The following CAST variants were observed in gnomAD, a reference collection of about 807,000 sequenced individuals.
CAST encodes the protein MIR583 host.
In CAST, 76 loss-of-function variants were observed where a neutral mutation model predicts 119.6. That is an observed-to-expected ratio of 0.64 (90% CI 0.53 to 0.77). The LOEUF (loss-of-function observed/expected upper bound fraction) is 0.77, where lower values mean the gene tolerates loss of function less well. Ranked by LOEUF, CAST falls within the 30% of genes least tolerant of loss-of-function variation. The pLI, the probability that CAST is intolerant of heterozygous loss-of-function variation, is 0.00. For missense variants in CAST, 953 were observed against 946.5 expected (o/e 1.01, Z -0.09); for synonymous variants, 319 against 331.6 (o/e 0.96, Z 0.41).
At chr5:95,992,938 G>A in the CAST span, among the ~76,000 whole-genome samples, 1 of 152,062 alleles carries the variant, frequency 6.6e-6, no homozygotes, top group African/African-American at 2.4e-5. Context: ...AAAAAATGAG[G>A]TATTTAGACT....
chr5:96,760,755 C>G (rs1324230865), intron 24 of CAST: 1 of 151,606 alleles, frequency 6.6e-6, no homozygotes, highest in Non-Finnish European at 1.5e-5. Flanking sequence ...AAATTGAAGG[C>G]CATACATTAA....
chr5:96,357,341 T>A, the CAST span, among the ~76,000 whole-genome samples: 1 of 152,222 alleles, frequency 6.6e-6, no homozygotes, highest in Non-Finnish European at 1.5e-5. Flanking sequence ...CTTGCCCGAT[T>A]GCCCTGGTCA....
the CAST span, among the ~76,000 whole-genome samples, chr5:96,096,573 CCT>C: frequency 1.3e-5 from 2 of 152,204 alleles, no homozygotes; most frequent in African/African-American, 4.8e-5. Flanking sequence ...ACTACCCAAA[CCT>C]CTCTGTGTGA....
chr5:96,279,741 C>T, the CAST span, among the ~76,000 whole-genome samples: 357 of 152,288 alleles, frequency 2.3e-3, 6 homozygotes, highest in African/African-American at 8.1e-3. Flanking sequence ...AAATATGCTT[C>T]TTGAGAAGTT....
At chr5:96,145,349 C>T in the CAST span, among the ~76,000 whole-genome samples, 5 of 152,002 alleles carry the variant, frequency 3.3e-5, no homozygotes, top group African/African-American at 7.3e-5. Flanking sequence ...CTGACTCCTC[C>T]CTTAACTAAA....
At chr5:96,442,189 G>T in the CAST span, among the ~76,000 whole-genome samples, 351 of 152,270 alleles carry the variant, frequency 2.3e-3, 3 homozygotes, top group Non-Finnish European at 4.2e-3. Context: ...TTTTAAGCAG[G>T]TAAGTATTTG....
the CAST span, among the ~76,000 whole-genome samples, chr5:96,157,831 C>T: frequency 5.3e-5 from 8 of 152,308 alleles, no homozygotes. Context: ...ATCCTGTAAA[C>T]ATACCATAAG....
chr5:96,493,138 T>C, the CAST span, among the ~76,000 whole-genome samples: 1 of 152,222 alleles, frequency 6.6e-6, no homozygotes, highest in Non-Finnish European at 1.5e-5. Flanking sequence ...CACTGATTTA[T>C]TTTTTTAAAC....
chr5:96,376,307 C>T, the CAST span, among the ~76,000 whole-genome samples: 1 of 151,990 alleles, frequency 6.6e-6, no homozygotes, highest in Admixed American at 6.6e-5. Flanking sequence ...AAGAAAACTA[C>T]TGTGCGTCCA....
At chr5:96,263,307 A>G in the CAST span, among the ~76,000 whole-genome samples, 1 of 151,728 alleles carries the variant, frequency 6.6e-6, no homozygotes, top group Admixed American at 6.6e-5. Context: ...TGGGTGGAGA[A>G]GGGTGGGGGT....
At chr5:96,070,467 AAC>A in the CAST span, among the ~76,000 whole-genome samples, 1 of 152,180 alleles carries the variant, frequency 6.6e-6, no homozygotes, top group Non-Finnish European at 1.5e-5. Context: ...AAATTCTTCA[AAC>A]ACAGAATGCA....
the CAST span, among the ~76,000 whole-genome samples, chr5:96,205,176 G>C: frequency 6.6e-6 from 1 of 152,018 alleles, no homozygotes; most frequent in African/African-American, 2.4e-5. Flanking sequence ...TGGTTTGCAA[G>C]TATTTTCTCC....
chr5:96,010,599 A>G, the CAST span, among the ~76,000 whole-genome samples: 2 of 152,218 alleles, frequency 1.3e-5, no homozygotes, highest in Admixed American at 6.5e-5. Context: ...GGCATGAGCC[A>G]CCACACCAAG....
chr5:96,513,007 A>T, the CAST span, among the ~76,000 whole-genome samples: 1 of 152,220 alleles, frequency 6.6e-6, no homozygotes, highest in Admixed American at 6.5e-5. Flanking sequence ...ATGAGCAGGG[A>T]GGCAGCCTGA....
chr5:96,093,640 G>A, the CAST span, among the ~76,000 whole-genome samples: 1 of 152,342 alleles, frequency 6.6e-6, no homozygotes, highest in South Asian at 2.1e-4. Flanking sequence ...CTTAACAGAG[G>A]CCTGTTTGAT....
the CAST span, among the ~76,000 whole-genome samples, chr5:96,329,692 T>G: frequency 6.6e-6 from 1 of 152,238 alleles, no homozygotes; most frequent in Non-Finnish European, 1.5e-5. Flanking sequence ...TAATCGTTAC[T>G]GTCAAGATTT....
chr5:96,179,311 T>A, the CAST span, among the ~76,000 whole-genome samples: 3,237 of 152,304 alleles, frequency 0.021, 113 homozygotes, highest in African/African-American at 0.074. Flanking sequence ...TACCCTTGCT[T>A]CATCACAGGT....
chr5:96,006,408 GTT>G, the CAST span, among the ~76,000 whole-genome samples: 1 of 151,872 alleles, frequency 6.6e-6, no homozygotes, highest in Non-Finnish European at 1.5e-5. Flanking sequence ...TGTTTTAAGA[GTT>G]TACAAATTTG....
Position 96,587,449 on chromosome 5 carries a change from G to C in CAST, c.60+57569G>C, listed in dbSNP as rs73774314. 5.0e-3 allele frequency among the ~76,000 whole-genome samples: 769 copies of C among 152,340 alleles called. 7 individuals carry two copies. The highest frequency in any genetic ancestry group is 0.018 in the African/African-American group (743 of 41,566). ...GCTGGTAAATATACAGAGAGGACTG[G>C]TATGGTGTTTTGAATAGTTGCTACT... On this transcript the variant is annotated intron_variant, in intron 1 of 11. Transcript: ENST00000505143.
Sources: allele counts gnomAD v4.1 joint callset (sites outside exome capture counted in the v4.1 genomes callset), GRCh38; gene constraint gnomAD v4.1.1; transcripts MANE v1.5; gene names NCBI Gene and HGNC (gene_info 2026-07-23, HGNC 2026-07-21).